Variants in SLC25A26 observed in about 807,000 individuals in gnomAD.
The protein encoded by SLC25A26 is mitochondrial S-adenosylmethionine carrier protein.
A neutral mutation model predicts 37.8 loss-of-function variants in SLC25A26; 36 were observed. The ratio of observed to expected loss-of-function variants is 0.95; its 90% CI spans 0.73 to 1.26. SLC25A26 has a LOEUF of 1.26. SLC25A26 is among the 50% of genes most tolerant of loss of function. The probability of loss-of-function intolerance (pLI) is 0.00; values close to 1 mark genes in which losing one functional copy is unlikely to be tolerated. For synonymous variants in SLC25A26, 129 were observed against 122.5 expected (o/e 1.05, Z -0.35); for missense variants, 390 against 331.1 (o/e 1.18, Z -1.38).
chr3:66,136,657 G>A (rs2069951007), intron 1 of SLC25A26, among the ~76,000 whole-genome samples: 1 of 152,188 alleles, frequency 6.6e-6, no homozygotes. Flanking sequence ...TTTCACCTAA[G>A]CTCTGGCTTT....
At chr3:66,316,235 T>C (rs1438270804) in intron 5 of SLC25A26, among the ~76,000 whole-genome samples, 4 of 152,204 alleles carry the variant, frequency 2.6e-5, no homozygotes, top group Non-Finnish European at 5.9e-5. Context: ...TTCCATGTGG[T>C]TTCCTAGTGG....
intron 1 of SLC25A26, among the ~76,000 whole-genome samples, chr3:66,222,926 A>G (rs1380264105): frequency 6.6e-6 from 1 of 152,132 alleles, no homozygotes; most frequent in Non-Finnish European, 1.5e-5. Context: ...TATAGAGGGT[A>G]AAATTAGAAT....
chr3:66,332,738 G>C (rs2076006224), intron 5 of SLC25A26, among the ~76,000 whole-genome samples: 1 of 152,030 alleles, frequency 6.6e-6, no homozygotes, highest in Non-Finnish European at 1.5e-5. Context: ...TATCTATCTA[G>C]TGGAATAGAT....
intron 5 of SLC25A26, among the ~76,000 whole-genome samples, chr3:66,271,795 T>C (rs1465548193): frequency 6.6e-6 from 1 of 152,144 alleles, no homozygotes; most frequent in Non-Finnish European, 1.5e-5. Flanking sequence ...TCCATCGTTG[T>C]TAAGATCCAT....
chr3:66,199,541 T>G (rs1186920426), intron 1 of SLC25A26, among the ~76,000 whole-genome samples: 1 of 152,118 alleles, frequency 6.6e-6, no homozygotes, highest in Non-Finnish European at 1.5e-5. Flanking sequence ...TCCCTGGCAC[T>G]GACAACTATA....
intron 5 of SLC25A26, chr3:66,293,109 G>A (rs1236918344): frequency 6.6e-6 from 1 of 151,892 alleles, no homozygotes; most frequent in East Asian, 1.9e-4. Context: ...ACTTTATGAA[G>A]TTCTAAAAAT....
intron 5 of SLC25A26, among the ~76,000 whole-genome samples, chr3:66,320,413 C>G (rs1191142456): frequency 6.6e-6 from 1 of 152,120 alleles, no homozygotes; most frequent in Admixed American, 6.5e-5. Context: ...TAATGTTTAT[C>G]CATGTTGTAG....
At chr3:66,253,588 A>C (rs895373457) in intron 3 of SLC25A26, among the ~76,000 whole-genome samples, 16 of 152,132 alleles carry the variant, frequency 1.1e-4, no homozygotes, top group African/African-American at 3.9e-4. Context: ...GAAAGCAGGA[A>C]GTCAACATTC....
chr3:66,251,767 A>T lies in SLC25A26; in HGVS notation c.300+8455A>T, dbSNP rs77952488. ...CTGCATCCTCACCCCCAGTTTCTCG[A>T]TGAGTTCCTTTTCTAACATATTTCA... is the stretch of plus-strand genomic sequence containing the variant. On this transcript the variant is annotated intron_variant, in intron 3 of 9. Transcript: ENST00000354883. Among the ~76,000 whole-genome samples the T allele has an allele frequency of 4.8e-3, 736 of 152,308 alleles. 5 individuals carry two copies. The highest frequency in any genetic ancestry group is 0.02 in the Middle Eastern group (6 of 294).
chr3:66,245,674 T>G (rs782139050), intron 3 of SLC25A26, among the ~76,000 whole-genome samples: 13 of 152,260 alleles, frequency 8.5e-5, no homozygotes, highest in Non-Finnish European at 1.3e-4. Flanking sequence ...TTAGGAAGTT[T>G]GAACAAGAAT....
At chr3:66,352,318 C>G (rs1258017032) in intron 6 of SLC25A26, among the ~76,000 whole-genome samples, 3 of 152,158 alleles carry the variant, frequency 2.0e-5, no homozygotes, top group Non-Finnish European at 1.5e-5. Context: ...TGGCAAGGCA[C>G]TCTGTAATCT....
At chr3:66,199,837 G>A (rs1180007645) in intron 1 of SLC25A26, among the ~76,000 whole-genome samples, 2 of 152,020 alleles carry the variant, frequency 1.3e-5, no homozygotes, top group African/African-American at 2.4e-5. Flanking sequence ...TGATCCTTAT[G>A]CAGAGTTGAT....
intron 3 of SLC25A26, among the ~76,000 whole-genome samples, chr3:66,253,357 G>A (rs1025730680): frequency 2.7e-5 from 4 of 150,764 alleles, no homozygotes; most frequent in Non-Finnish European, 4.4e-5. Flanking sequence ...CTTGCAGATC[G>A]CGCCACTGCA....
intron 5 of SLC25A26, among the ~76,000 whole-genome samples, chr3:66,343,861 ATAAT>A (rs1293359191): frequency 6.6e-6 from 1 of 152,226 alleles, no homozygotes; most frequent in African/African-American, 2.4e-5. Flanking sequence ...TATTGTTTTG[ATAAT>A]TAATTGGAAA....
chr3:66,134,840 T>TA (rs1278404744), intron 1 of SLC25A26, among the ~76,000 whole-genome samples: 1 of 151,810 alleles, frequency 6.6e-6, no homozygotes, highest in Admixed American at 6.6e-5. Flanking sequence ...TTTTTTTTTT[T>TA]ATTTTTTGAG....
intron 1 of SLC25A26, among the ~76,000 whole-genome samples, chr3:66,192,913 T>C (rs943088583): frequency 6.6e-6 from 1 of 152,120 alleles, no homozygotes; most frequent in Non-Finnish European, 1.5e-5. Context: ...ACCTAGGCAG[T>C]TTTTTACTTT....
chr3:66,361,925 C>G (rs2076716538), intron 6 of SLC25A26, among the ~76,000 whole-genome samples: 1 of 151,928 alleles, frequency 6.6e-6, no homozygotes, highest in Admixed American at 6.6e-5. Flanking sequence ...CAAGATTGCA[C>G]CACTGTACTC....
chr3:66,273,074 T>C (rs568440004), intron 5 of SLC25A26, among the ~76,000 whole-genome samples: 1 of 152,192 alleles, frequency 6.6e-6, no homozygotes, highest in Non-Finnish European at 1.5e-5. Context: ...TCTTTGGTTC[T>C]GTTTATATGC....
intron 5 of SLC25A26, among the ~76,000 whole-genome samples, chr3:66,311,586 T>C (rs765469832): frequency 3.9e-5 from 6 of 152,148 alleles, no homozygotes; most frequent in Non-Finnish European, 8.8e-5. Context: ...TTTTGGAGTT[T>C]TCAGCCTTTT....
Sources: allele counts gnomAD v4.1 joint callset (sites outside exome capture counted in the v4.1 genomes callset), GRCh38; gene constraint gnomAD v4.1.1; transcripts MANE v1.5; gene names NCBI Gene and HGNC (gene_info 2026-07-23, HGNC 2026-07-21).